LOXL4: variants seen among roughly 807,000 people sequenced by gnomAD.
LOXL4 encodes lysyl oxidase homolog 4.
Under a neutral mutation model 89.1 loss-of-function variants are expected in LOXL4, and 72 were observed. The observed-to-expected ratio is 0.81, with a 90% CI of 0.67 to 0.98. The LOEUF (loss-of-function observed/expected upper bound fraction) is 0.98. Ranked by LOEUF, LOXL4 falls within the 50% of genes least tolerant of loss-of-function variation. The pLI is 0.00. For missense variants in LOXL4, 984 were observed against 1,017.5 expected (o/e 0.97, Z 0.45); for synonymous variants, 355 against 392.1 (o/e 0.91, Z 1.12).
rs573089611 is a variant in LOXL4 at position 98,256,689 on chromosome 10, G to A, written c.1428+91C>T. 6.8e-6 allele frequency: 10 copies of A among 1,476,808 alleles called. No homozygotes were observed. The Admixed American group carries it at 1.4e-4, about 21-fold the overall frequency. 91.5% of individuals were successfully genotyped at this position (1,476,808 alleles called of 1,614,324 possible). On this transcript the variant is annotated intron_variant, in intron 9 of 14. Coordinates refer to ENST00000260702, the MANE Select transcript of LOXL4 (RefSeq NM_032211.7). ...TCACTCAGTAATGAATTGCCAAATG[G>A]GCAAAGAGGCAGCAGCTTTAGCACA...
chr10:98,262,652 G>A lies in LOXL4; in HGVS notation c.277+91C>T, dbSNP rs1590884789. On this transcript the variant is annotated intron_variant, in intron 2 of 14. Transcript: ENST00000260702. ...GTGTGGAGGAGGTCACATGAGCAGG[G>A]TATTAAAGGATGGGTGGGTGTCAGT... 39 of 1,469,054 alleles carry A rather than the reference G, an allele frequency of 2.7e-5. No homozygotes were observed. The South Asian group carries it at 4.3e-4, about 16-fold the overall frequency. 91.0% of individuals were successfully genotyped at this position (1,469,054 alleles called of 1,614,324 possible). A position where few individuals can be genotyped will look rare whatever the true frequency, so the allele number is the denominator to read the frequency against.
intron 14 of LOXL4, 119 bp downstream of exon 14, chr10:98,250,945 GC>G (rs1255657449): frequency 2.8e-6 from 2 of 704,394 alleles, no homozygotes; most frequent in Non-Finnish European, 5.0e-6. Context: ...TCCATCCATA[GC>G]CTTTTGCACA....
intron 8 of LOXL4, 77 bp downstream of exon 8, chr10:98,257,573 A>T: frequency 5.3e-6 from 8 of 1,512,108 alleles, no homozygotes; most frequent in Non-Finnish European, 7.1e-6. Context: ...TCTCCCCGCT[A>T]GCTCGATGTG....
At chr10:98,249,778 C>T (rs1240472854) in intron 14 of LOXL4, among the ~76,000 whole-genome samples, 3 of 152,194 alleles carry the variant, frequency 2.0e-5, no homozygotes, top group South Asian at 2.1e-4. Flanking sequence ...CTGCTGTCTC[C>T]GTGTGCGTAG....
intron 13 of LOXL4, 99 bp from the exon 14 acceptor site, chr10:98,251,275 T>G: frequency 2.0e-6 from 2 of 982,598 alleles, no homozygotes; most frequent in East Asian, 5.1e-5. Context: ...ATTTGCTTCA[T>G]TAATTCTTAA....
intron 4 of LOXL4, among the ~76,000 whole-genome samples, 180 bp from the exon 5 acceptor site, chr10:98,259,609 T>C (rs1175094115): frequency 6.6e-6 from 1 of 152,134 alleles, no homozygotes; most frequent in Non-Finnish European, 1.5e-5. Context: ...ACCTCACAAA[T>C]AACCATTTTA....
intron 10 of LOXL4, among the ~76,000 whole-genome samples, chr10:98,254,613 GTT>G (rs1858301656): frequency 6.6e-6 from 1 of 152,260 alleles, no homozygotes; most frequent in African/African-American, 2.4e-5. Context: ...AAAACAGGTG[GTT>G]ACAGAGACTG....
intron 13 of LOXL4, 149 bp downstream of exon 13, chr10:98,251,417 C>T: frequency 4.5e-6 from 5 of 1,113,630 alleles, no homozygotes; most frequent in Non-Finnish European, 6.4e-6. Flanking sequence ...CCCAGCTTGA[C>T]TGTTACTTCC....
intron 11 of LOXL4, among the ~76,000 whole-genome samples, chr10:98,252,915 A>G (rs1041070990): frequency 1.3e-5 from 2 of 152,192 alleles, no homozygotes; most frequent in African/African-American, 4.8e-5. Flanking sequence ...AAAGGTGCTT[A>G]TTATCTCAGG....
chr10:98,261,901 C>T (rs980904155), intron 3 of LOXL4, 134 bp downstream of exon 3: 38 of 921,224 alleles, frequency 4.1e-5, no homozygotes, highest in East Asian at 3.0e-4. Flanking sequence ...ACTCAGGAGT[C>T]GGCGGCCTGG....
chr10:98,256,961 G>C lies in LOXL4; in HGVS notation c.1261-14C>G. On this transcript the variant is annotated splice_polypyrimidine_tract_variant and intron_variant, in intron 8 of 14. Transcript: ENST00000260702. ...AGCCAAGCGCACCTGCAATGGCGAG[G>C]GGTGTGTGAGGAGTGGGGTAGCCTT... 1 of 1,611,948 alleles carries C rather than the reference G, an allele frequency of 6.2e-7. No individual in the cohort carries two copies. The highest frequency in any genetic ancestry group is 1.1e-5 in the South Asian group (1 of 90,872).
In LOXL4 at chr10:98,255,740, C is replaced by A; in HGVS notation, c.1429-1G>T. 3 of 1,608,430 alleles carry A rather than the reference C, an allele frequency of 1.9e-6. No homozygotes were observed. Among genetic ancestry groups the A allele is most frequent in the Non-Finnish European group, 2.6e-6 (3 of 1,175,352 alleles). Reference sequence around the variant, plus strand: ...GCGTCCCCGACCAGAACCAGGTTTCCTAAGAAGACAGCCAGCGTCACCCAG... The same window carrying A: ...GCGTCCCCGACCAGAACCAGGTTTCATAAGAAGACAGCCAGCGTCACCCAG... On this transcript the variant is annotated splice_acceptor_variant, in intron 9 of 14. Coordinates refer to ENST00000260702, the MANE Select transcript of LOXL4 (RefSeq NM_032211.7). LOFTEE classifies it high-confidence loss of function.
At chr10:98,255,943 A>C in intron 9 of LOXL4, 5 of 520,076 alleles carry the variant, frequency 9.6e-6, no homozygotes, top group East Asian at 3.2e-5. Context: ...CCCACCACAT[A>C]TGGAGGTAAA....
intron 11 of LOXL4, among the ~76,000 whole-genome samples, chr10:98,252,765 T>G (rs1035262901): frequency 1.4e-4 from 22 of 152,048 alleles, no homozygotes; most frequent in African/African-American, 5.3e-4. Context: ...AGGCCTGAAC[T>G]GGGGGGAGAG....
In LOXL4 at chr10:98,256,946, A is replaced by C. The variant is rs1858385385; in HGVS notation, c.1262T>G (p.Val421Gly). 1 of 1,613,770 alleles carries C rather than the reference A, an allele frequency of 6.2e-7. No individual in the cohort carries two copies. The highest frequency in any genetic ancestry group is 2.2e-5 in the East Asian group (1 of 44,862). The change falls in exon 9 of 15, where the codon GTG (valine) becomes GGG (glycine). Residue 421 changes from valine to glycine, a missense_variant and splice_region_variant. Physicochemically the swap from Val to Gly is moderately radical, Grantham distance 109. Coordinates refer to ENST00000260702, the MANE Select transcript of LOXL4 (RefSeq NM_032211.7). The part of the protein sequence containing the change: ...NVPNMGFQNQ[V>G]RLAGGRIPEE... ...AGGGATACGCCCACCAGCCAAGCGC[A>C]CCTGCAATGGCGAGGGGTGTGTGAG...
chr10:98,249,189 T>C (rs978345279), intron 14 of LOXL4, among the ~76,000 whole-genome samples, 198 bp from the exon 15 acceptor site: 1 of 152,192 alleles, frequency 6.6e-6, no homozygotes, highest in African/African-American at 2.4e-5. Flanking sequence ...GGCTATTGAT[T>C]GGAAAGAGTT....
At chr10:98,250,618 C>G (rs1858163278) in intron 14 of LOXL4, among the ~76,000 whole-genome samples, 1 of 152,196 alleles carries the variant, frequency 6.6e-6, no homozygotes, top group Admixed American at 6.5e-5. Context: ...GTAAGTGGCT[C>G]TGTTTTCCAT....
chr10:98,266,088 C>G (rs1433278906), intron 1 of LOXL4, among the ~76,000 whole-genome samples: 1 of 152,182 alleles, frequency 6.6e-6, no homozygotes, highest in African/African-American at 2.4e-5. Flanking sequence ...ATTCCCTCCT[C>G]CGTGCTCCCT....
At position 98,251,195 on chromosome 10, in the gene LOXL4, C is replaced by T. The variant is rs573005885; in HGVS notation, c.2089-19G>A. ...CAATCACCTAGAGTGAAAGAGGGGA[C>T]AACTGAAAATGGGTGATTTGGTTTC... On this transcript the variant is annotated intron_variant, in intron 13 of 14. Transcript: ENST00000260702. 1.9e-6 allele frequency: 3 copies of T among 1,568,094 alleles called. No individual in the cohort carries two copies. Among genetic ancestry groups the T allele is most frequent in the African/African-American group, 2.7e-5 (2 of 74,268 alleles).
Sources: allele counts gnomAD v4.1 joint callset (sites outside exome capture counted in the v4.1 genomes callset), GRCh38; gene constraint gnomAD v4.1.1; transcripts MANE v1.5; gene names NCBI Gene and HGNC (gene_info 2026-07-23, HGNC 2026-07-21).